The following MACF1 variants were observed in gnomAD, a reference collection of about 807,000 sequenced individuals.
The protein encoded by MACF1 is microtubule actin crosslinking factor 1, also known as microtubule-actin cross-linking factor 1.
In MACF1, 193 loss-of-function variants were observed where a neutral mutation model predicts 854.8. The observed-to-expected ratio is 0.23, with a 90% CI of 0.20 to 0.25. The LOEUF (loss-of-function observed/expected upper bound fraction) is 0.25. Among genes scored for constraint, MACF1 ranks in the 10% least tolerant of loss-of-function variants. The probability of loss-of-function intolerance (pLI) is 1.00; values close to 1 mark genes in which losing one functional copy is unlikely to be tolerated. For synonymous variants in MACF1, 3,185 were observed against 3,226.7 expected (o/e 0.99, Z 0.44); for missense variants, 7,722 against 8,929.1 (o/e 0.86, Z 5.45).
At position 39,277,766 on chromosome 1, in the gene MACF1, T is replaced by A. The variant is rs1443419906; in HGVS notation, c.529-4442T>A. ...AACATTGATCTCTTTGTATAGTAAA[T>A]TGTCTCCCTGATTAAATTGCTTGAA... On this transcript the variant is annotated intron_variant, in intron 6 of 100. Transcript: ENST00000564288. Among the ~76,000 whole-genome samples the A allele has an allele frequency of 2.0e-5, 3 of 152,340 alleles. No individual in the cohort carries two copies. In the East Asian group the frequency reaches 5.8e-4, roughly 29 times the overall value.
At chr1:39,466,787 C>T (rs1426232165) in intron 95 of MACF1, among the ~76,000 whole-genome samples, 1 of 152,208 alleles carries the variant, frequency 6.6e-6, no homozygotes, top group Non-Finnish European at 1.5e-5. Flanking sequence ...TGCTACCACA[C>T]AGTGCTTTTG....
At chr1:39,314,085 A>T (rs908159432) in intron 26 of MACF1, among the ~76,000 whole-genome samples, 3 of 152,194 alleles carry the variant, frequency 2.0e-5, no homozygotes, top group Admixed American at 6.5e-5. Context: ...TTGGAGTATT[A>T]TTGCTTATAG....
At chr1:39,306,459 G>T (rs1000720400) in intron 23 of MACF1, among the ~76,000 whole-genome samples, 1 of 151,922 alleles carries the variant, frequency 6.6e-6, no homozygotes, top group Non-Finnish European at 1.5e-5. Flanking sequence ...TATAATTTTT[G>T]TTTCCTTGGA....
At chr1:39,414,370 A>C (rs780482396) in intron 58 of MACF1, 26 of 1,613,968 alleles carry the variant, frequency 1.6e-5, no homozygotes, top group Non-Finnish European at 2.1e-5. Flanking sequence ...TGGAATGTGG[A>C]TCAAGGAGGA....
chr1:39,334,495 G>A lies in MACF1; in HGVS notation c.7907G>A (p.Cys2636Tyr), dbSNP rs1646778398. 2 of 1,614,130 alleles carry A rather than the reference G, an allele frequency of 1.2e-6. No individual in the cohort carries two copies. Among genetic ancestry groups the A allele is most frequent in the Non-Finnish European group, 1.7e-6 (2 of 1,180,006 alleles). ...IVPYSELVKK[C>Y]KIDIESGQRY... ...CCCTACTCAGAATTAGTCAAGAAAT[G>A]TAAGATTGATATTGAATCTGGACAG... Residue 2636 changes from cysteine to tyrosine, a missense_variant, in exon 37 of 101, where the codon TGT becomes TAT. Around this residue, in one of 15 missense-constraint regions of MACF1, gnomAD observed 1,531 missense variants for 1,601.6 expected, o/e 0.96. Transcript: ENST00000564288.
chr1:39,284,334 C>A lies in MACF1; in HGVS notation c.1037C>A (p.Ala346Glu). 1.3e-6 allele frequency: 2 copies of A among 1,577,152 alleles called. No homozygotes were observed. Among genetic ancestry groups the A allele is most frequent in the Non-Finnish European group, 1.7e-6 (2 of 1,166,982 alleles). Residue 346 changes from alanine to glutamate, a missense_variant and splice_region_variant, in exon 11 of 101, where the codon GCA (alanine) becomes GAA (glutamate). Around this residue, in one of 15 missense-constraint regions of MACF1, gnomAD observed 97 missense variants for 130.4 expected, o/e 0.74. Coordinates refer to ENST00000564288, the MANE Select transcript of MACF1 (RefSeq NM_001394062.1). ...TFPQNPVELKALYNQYIHFKE... is the reference protein window; with the variant it reads ...TFPQNPVELKELYNQYIHFKE... ...ATTCACCAAATATTAATTTTATAGG[C>A]ACTTTATAACCAATATATACACTTC...
chr1:39,422,358 G>A lies in MACF1; in HGVS notation c.15817-16G>A, dbSNP rs1392586453. On this transcript the variant is annotated splice_polypyrimidine_tract_variant and intron_variant, in intron 58 of 100. Transcript: ENST00000564288. ...TAGCCTTTGTATTAAATCTTCTTTG[G>A]CTTGTAATTATCTAGATGTTTCAGA... 2 of 1,611,690 alleles carry A rather than the reference G, an allele frequency of 1.2e-6. No individual in the cohort carries two copies. The highest frequency in any genetic ancestry group is 4.5e-5 in the East Asian group (2 of 44,854).
At chr1:39,311,510 A>G (rs1021330220) in intron 26 of MACF1, among the ~76,000 whole-genome samples, 5 of 152,232 alleles carry the variant, frequency 3.3e-5, no homozygotes, top group African/African-American at 1.2e-4. Context: ...TTTGAAAATT[A>G]ATGGTATAGT....
chr1:39,349,725 T>G, intron 42 of MACF1, 98 bp downstream of exon 42: 2 of 1,302,558 alleles, frequency 1.5e-6, no homozygotes, highest in Non-Finnish European at 2.1e-6. Context: ...TTCGATCTCC[T>G]GGGCTCAGGC....
At chr1:39,218,419 A>G (rs182898495) in intron 1 of MACF1, among the ~76,000 whole-genome samples, 40 of 152,314 alleles carry the variant, frequency 2.6e-4, no homozygotes, top group Admixed American at 5.9e-4. Flanking sequence ...CAGGAAATCC[A>G]AGTTATAGAC....
At chr1:39,192,984 T>C (rs1314843411) in intron 2 of MACF1, among the ~76,000 whole-genome samples, 1 of 152,108 alleles carries the variant, frequency 6.6e-6, no homozygotes, top group African/African-American at 2.4e-5. Flanking sequence ...TGGTGGCGCA[T>C]GCCTGTAATC....
intron 58 of MACF1, chr1:39,411,188 C>G: frequency 6.2e-7 from 1 of 1,613,694 alleles, no homozygotes; most frequent in East Asian, 2.2e-5. Flanking sequence ...GTTCTCATAA[C>G]CCCCAGCCTG....
At position 39,193,791 on chromosome 1, in the gene MACF1, G is replaced by GA. The variant is rs1557510325; in HGVS notation, c.221-37391_221-37390insA. ...TTTACAGCCCTGGTAAGAGAGAGAG[G>GA]GAGAGAGAGAGAGAGAGAGGCAGGC... On this transcript the variant is annotated intron_variant, in intron 2 of 93. Coordinates refer to the MACF1 transcript ENST00000361689. Among the ~76,000 whole-genome samples, 78 of 149,078 alleles carry GA rather than the reference G, an allele frequency of 5.2e-4. 1 individual carries two copies. The highest frequency in any genetic ancestry group is 3.5e-3 in the Middle Eastern group (1 of 282).
intron 38 of MACF1, among the ~76,000 whole-genome samples, chr1:39,337,561 C>CGT (rs1646835408): frequency 1.7e-4 from 8 of 46,488 alleles, no homozygotes; most frequent in Non-Finnish European, 4.0e-4. Flanking sequence ...TAATTACTAC[C>CGT]ATTTTTTTTT....
At chr1:39,263,738 G>T (rs970226560) in intron 6 of MACF1, among the ~76,000 whole-genome samples, 1 of 147,330 alleles carries the variant, frequency 6.8e-6, no homozygotes, top group Non-Finnish European at 1.5e-5. Context: ...TAGTATCTTT[G>T]GTATATCCTT....
chr1:39,193,961 A>G (rs1274915952), intron 2 of MACF1, among the ~76,000 whole-genome samples: 1 of 152,116 alleles, frequency 6.6e-6, no homozygotes. Context: ...CTCTTGCCTC[A>G]GCCTCCCAAG....
In MACF1 at chr1:39,458,384, G is replaced by C; in HGVS notation, c.21090G>C (p.Glu7030Asp). The C allele has an allele frequency of 6.2e-7, 1 of 1,613,480 alleles. No individual in the cohort carries two copies. The highest frequency in any genetic ancestry group is 8.5e-7 in the Non-Finnish European group (1 of 1,179,828). ...LIAEHQTFME[E>D]MTRKQPDVDR... ...GTGTTTAACAGACATTTATGGAGGA[G>C]ATGACTCGCAAACAGCCTGACGTGG... is the stretch of plus-strand genomic sequence containing the variant. The change falls in exon 90 of 101, where the codon GAG (glutamate) becomes GAC (aspartate). Residue 7030 changes from glutamate (E) to aspartate (D), a missense_variant. Glu to Asp is a conservative substitution (Grantham distance 45). Coordinates refer to ENST00000564288, the MANE Select transcript of MACF1 (RefSeq NM_001394062.1).
chr1:39,126,639 T>G (rs540003682), intron 2 of MACF1, among the ~76,000 whole-genome samples: 93 of 151,844 alleles, frequency 6.1e-4, no homozygotes, highest in African/African-American at 2.1e-3. Flanking sequence ...ACAAAAAAAT[T>G]AGCTGGGCGT....
At chr1:39,453,578 G>A in intron 87 of MACF1, 129 bp from the exon 88 acceptor site, 1 of 742,070 alleles carries the variant, frequency 1.3e-6, no homozygotes, top group Non-Finnish European at 2.2e-6. Context: ...AACTATACAG[G>A]CTTTTAGAGG....
Sources: gnomAD v4.1 joint callset for allele counts (sites outside exome capture counted in the v4.1 genomes callset) on GRCh38, gnomAD v4.1.1 for gene constraint, gnomAD v4.1.1 regional missense constraint, MANE v1.5 for transcripts, NCBI Gene and HGNC (gene_info 2026-07-23, HGNC 2026-07-21) for gene names.